GABRB3: variants seen among roughly 807,000 people sequenced by gnomAD.
The protein encoded by GABRB3 is gamma-aminobutyric acid type A receptor subunit beta3, also known as gamma-aminobutyric acid receptor subunit beta-3.
In GABRB3, 14 loss-of-function variants were observed where a neutral mutation model predicts 52.1. The ratio of observed to expected loss-of-function variants is 0.27; its 90% CI spans 0.18 to 0.42. The LOEUF (loss-of-function observed/expected upper bound fraction) is 0.42. Ranked by LOEUF, GABRB3 falls within the 10% of genes least tolerant of loss-of-function variation. The pLI is 1.00. For missense variants in GABRB3, 307 were observed against 609.1 expected, an observed-to-expected ratio of 0.50 and a Z score of 5.22; for synonymous variants, 260 against 232.3, an observed-to-expected ratio of 1.12 and a Z score of -1.08.
chr15:26,764,151 A>G (rs1890901407), intron 3 of GABRB3, among the ~76,000 whole-genome samples: 1 of 5,726 alleles, frequency 1.7e-4, no homozygotes, highest in Non-Finnish European at 3.3e-4. Flanking sequence ...CTCGGTCTCA[A>G]AAAAAAAAAA....
chr15:26,772,289 C>G (rs1891170062), intron 3 of GABRB3, 113 bp downstream of exon 3: 1 of 925,400 alleles, frequency 1.1e-6, no homozygotes, highest in Admixed American at 2.3e-5. Context: ...CCTCTGCGGA[C>G]CGGGGAAACT....
chr15:26,681,241 G>C (rs1888230506), intron 3 of GABRB3, among the ~76,000 whole-genome samples: 1 of 152,132 alleles, frequency 6.6e-6, no homozygotes, highest in Non-Finnish European at 1.5e-5. Context: ...AAATGACAAG[G>C]GGAAGGGATG....
intron 3 of GABRB3, among the ~76,000 whole-genome samples, chr15:26,690,244 T>A (rs1888545859): frequency 6.6e-6 from 1 of 151,830 alleles, no homozygotes; most frequent in Non-Finnish European, 1.5e-5. Context: ...CACCTAGCTA[T>A]TTTTTTAAAC....
chr15:26,558,976 G>A (rs1303709212), intron 8 of GABRB3, among the ~76,000 whole-genome samples: 1 of 152,206 alleles, frequency 6.6e-6, no homozygotes, highest in African/African-American at 2.4e-5. Context: ...GAAGCCCCAG[G>A]AAACTTATAA....
At chr15:26,661,191 G>A (rs186523043) in intron 3 of GABRB3, among the ~76,000 whole-genome samples, 4 of 152,280 alleles carry the variant, frequency 2.6e-5, no homozygotes. Context: ...GGAGACTCAT[G>A]GTTCCTAATC....
At chr15:26,603,246 C>A (rs572866909) in intron 4 of GABRB3, among the ~76,000 whole-genome samples, 2 of 151,876 alleles carry the variant, frequency 1.3e-5, no homozygotes, top group Admixed American at 1.3e-4. Flanking sequence ...TAACAGGTAA[C>A]AAGATTGAAG....
intron 3 of GABRB3, among the ~76,000 whole-genome samples, chr15:26,697,062 C>G (rs1195467845): frequency 6.6e-6 from 1 of 152,184 alleles, no homozygotes; most frequent in African/African-American, 2.4e-5. Context: ...TGTTAAGAAT[C>G]CTTGCAACAT....
At chr15:26,713,630 A>G (rs11632969) in intron 3 of GABRB3, among the ~76,000 whole-genome samples, 121,911 of 152,200 alleles carry the variant, frequency 0.8, 49,294 homozygotes, top group Non-Finnish European at 0.85. Context: ...AATGAATGCC[A>G]TGGACAGGCA....
At chr15:26,666,644 A>G (rs1375069603) in intron 3 of GABRB3, 1 of 152,206 alleles carries the variant, frequency 6.6e-6, no homozygotes, top group Non-Finnish European at 1.5e-5. Flanking sequence ...TAGGGAGGCA[A>G]TCTAGTGCCT....
At position 26,638,316 on chromosome 15, in the gene GABRB3, G is replaced by A. The variant is rs744624; in HGVS notation, c.241-16782C>T. On this transcript the variant is annotated intron_variant, in intron 3 of 8. Transcript: ENST00000311550. ...CTTTATGCCTGTCTGCCCAGTCTCT[G>A]TGATACCCGCTCCTCTTGCCTTTTT... is the stretch of plus-strand genomic sequence containing the variant. Among the ~76,000 whole-genome samples the A allele has an allele frequency of 6.1e-3, 932 of 152,260 alleles. 12 individuals carry two copies. Among genetic ancestry groups the A allele is most frequent in the African/African-American group, 0.022 (904 of 41,542 alleles).
chr15:26,773,095 A>T (rs1363271290), upstream of GABRB3: 3 of 879,104 alleles, frequency 3.4e-6, no homozygotes, highest in Non-Finnish European at 4.1e-6. Context: ...GCGGAGGGGG[A>T]GGGGAGGAGG....
At chr15:26,649,550 G>A (rs535478459) in intron 3 of GABRB3, among the ~76,000 whole-genome samples, 34 of 152,276 alleles carry the variant, frequency 2.2e-4, no homozygotes, top group African/African-American at 7.7e-4. Context: ...TGGAGGTAGT[G>A]TAAAGAGAAA....
chr15:26,604,951 A>G (rs551356233), intron 4 of GABRB3, among the ~76,000 whole-genome samples: 4 of 152,196 alleles, frequency 2.6e-5, no homozygotes, highest in Non-Finnish European at 5.9e-5. Flanking sequence ...TCTGCACAGC[A>G]AAGGAAACAA....
chr15:26,634,567 C>T (rs901754984), intron 3 of GABRB3, among the ~76,000 whole-genome samples: 2 of 152,082 alleles, frequency 1.3e-5, no homozygotes, highest in African/African-American at 4.8e-5. Flanking sequence ...TCACAAATTG[C>T]ATCCCAGAAG....
chr15:26,722,033 T>G (rs1595551605), intron 3 of GABRB3, among the ~76,000 whole-genome samples: 2 of 152,318 alleles, frequency 1.3e-5, no homozygotes, highest in Admixed American at 1.3e-4. Context: ...ATTCTTTAAA[T>G]TGAAATGCAA....
At chr15:26,640,133 G>C (rs955684425) in intron 3 of GABRB3, among the ~76,000 whole-genome samples, 1 of 152,162 alleles carries the variant, frequency 6.6e-6, no homozygotes, top group Non-Finnish European at 1.5e-5. Flanking sequence ...AAATGAGCTC[G>C]AGGGAGTTAT....
intron 3 of GABRB3, among the ~76,000 whole-genome samples, chr15:26,726,926 C>T (rs545826466): frequency 7.2e-5 from 11 of 152,142 alleles, no homozygotes; most frequent in South Asian, 6.2e-4. Flanking sequence ...TTTGGGAGAC[C>T]GAGGCAGGCG....
intron 3 of GABRB3, among the ~76,000 whole-genome samples, chr15:26,638,797 C>T (rs1171646211): frequency 1.3e-5 from 2 of 152,172 alleles, no homozygotes; most frequent in East Asian, 3.9e-4. Context: ...AACCTTTCAA[C>T]TTCACTCAAA....
At chr15:26,735,813 G>C (rs1890049752) in intron 3 of GABRB3, among the ~76,000 whole-genome samples, 1 of 151,990 alleles carries the variant, frequency 6.6e-6, no homozygotes, top group African/African-American at 2.4e-5. Flanking sequence ...AAATTAGTGG[G>C]GGATGGTGGC....
Sources: gnomAD v4.1 joint callset for allele counts (sites outside exome capture counted in the v4.1 genomes callset) on GRCh38, gnomAD v4.1.1 for gene constraint, MANE v1.5 for transcripts, NCBI Gene and HGNC (gene_info 2026-07-23, HGNC 2026-07-21) for gene names.